Variants in RNF157 observed in about 807,000 individuals in gnomAD.
RNF157 encodes the protein ring finger protein 157.
RNF157 carries 55 observed loss-of-function variants against 88.3 expected under a neutral mutation model. The ratio of observed to expected loss-of-function variants is 0.62; its 90% CI spans 0.50 to 0.78. The LOEUF (loss-of-function observed/expected upper bound fraction) is 0.78, where lower values mean the gene tolerates loss of function less well. Among genes scored for constraint, RNF157 ranks in the 30% least tolerant of loss-of-function variants. The pLI is 0.00. For synonymous variants in RNF157, 334 were observed against 341.2 expected (o/e 0.98, Z 0.23); for missense variants, 788 against 860.8 (o/e 0.92, Z 1.06).
chr17:76,230,562 G>A (rs552998535), intron 1 of RNF157, among the ~76,000 whole-genome samples: 7 of 152,088 alleles, frequency 4.6e-5, no homozygotes, highest in Non-Finnish European at 8.8e-5. Context: ...ATACTGAGCC[G>A]GGCATGGTGG....
chr17:76,164,956 T>C (rs767872077), intron 7 of RNF157, among the ~76,000 whole-genome samples, 161 bp from the exon 8 acceptor site: 16 of 152,354 alleles, frequency 1.1e-4, no homozygotes, highest in Non-Finnish European at 1.8e-4. Flanking sequence ...AAATATTACA[T>C]ACAATATTTT....
chr17:76,216,651 C>T (rs2145037969), intron 1 of RNF157, among the ~76,000 whole-genome samples: 1 of 152,074 alleles, frequency 6.6e-6, no homozygotes, highest in Admixed American at 6.5e-5. Flanking sequence ...TGAAGCCTTT[C>T]AAAGTGGTGT....
chr17:76,145,561 C>T, intron 18 of RNF157: 1 of 518,552 alleles, frequency 1.9e-6, no homozygotes, highest in Admixed American at 3.7e-5. Context: ...GCCCCCTGGG[C>T]TAGGTACAGT....
intron 1 of RNF157, among the ~76,000 whole-genome samples, chr17:76,238,388 T>G (rs1051546145): frequency 3.3e-5 from 5 of 150,810 alleles, no homozygotes; most frequent in African/African-American, 1.2e-4. Flanking sequence ...TGATTTAACA[T>G]GAATTACAGT....
intron 16 of RNF157, among the ~76,000 whole-genome samples, 189 bp downstream of exon 16, chr17:76,155,063 C>G (rs1490952603): frequency 1.3e-5 from 2 of 152,242 alleles, no homozygotes; most frequent in African/African-American, 4.8e-5. Context: ...ACTCACTGGA[C>G]AGTCCACAGG....
intron 14 of RNF157, among the ~76,000 whole-genome samples, 198 bp downstream of exon 14, chr17:76,156,012 A>G (rs1179251127): frequency 1.3e-5 from 2 of 152,232 alleles, no homozygotes; most frequent in Non-Finnish European, 2.9e-5. Context: ...TGAGAGAATT[A>G]ACACCCCACT....
chr17:76,159,911 T>C (rs1202057708), intron 11 of RNF157, among the ~76,000 whole-genome samples: 4 of 152,206 alleles, frequency 2.6e-5, no homozygotes, highest in Non-Finnish European at 4.4e-5. Context: ...TTCCCATTTT[T>C]TTTCTGTGTA....
Position 76,146,818 on chromosome 17 carries a change from GCCGA to G in RNF157, c.1922-1469_1922-1466del, listed in dbSNP as rs1326486355. The G allele has an allele frequency of 3.1e-5, 31 of 985,354 alleles. No individual in the cohort carries two copies. Among genetic ancestry groups the G allele is most frequent in the Middle Eastern group, 1.0e-3 (2 of 1,936 alleles). 61.0% of individuals were successfully genotyped at this position (985,354 alleles called of 1,614,324 possible). Reference sequence around the variant, plus strand: ...TAGGAGGACCTGTTCAGCGGACAAGGCCGACCAACTGTAGAGTGTGGCCGTGAGG... The same window carrying G: ...TAGGAGGACCTGTTCAGCGGACAAGGCCAACTGTAGAGTGTGGCCGTGAGG... On this transcript the variant is annotated intron_variant, in intron 18 of 18. Transcript: ENST00000269391. The surrounding 1 kb of genome is among the most constrained non-coding windows in gnomAD (Gnocchi z 4.2).
At chr17:76,187,782 G>A (rs939157800) in intron 2 of RNF157, among the ~76,000 whole-genome samples, 3 of 151,950 alleles carry the variant, frequency 2.0e-5, no homozygotes, top group Non-Finnish European at 4.4e-5. Context: ...ATTTTTAGTA[G>A]AGATAGGGTT....
At chr17:76,158,365 C>G in intron 13 of RNF157, 28 bp downstream of exon 13, 1 of 1,499,064 alleles carries the variant, frequency 6.7e-7, no homozygotes, top group South Asian at 1.1e-5. Flanking sequence ...AGTACAACAC[C>G]CAAGAAGAGG....
Position 76,161,578 on chromosome 17 carries a change from T to C in RNF157, c.1022A>G (p.Asn341Ser). ...KLGPLSPTSFNPIISSQTSDS... is the reference protein window; with the variant it reads ...KLGPLSPTSFSPIISSQTSDS... ...AGATGTCTGGGATGAGATGATGGGG[T>C]TAAAGCTGGTTGGGGACAAGGGGCC... The change falls in exon 11 of 19, where the codon AAC becomes AGC. Residue 341 changes from asparagine to serine, a missense_variant. Asn to Ser is a conservative substitution (Grantham distance 46). Coordinates refer to ENST00000269391, the MANE Select transcript of RNF157 (RefSeq NM_052916.3). This position sits in a 1 kb window ranked among gnomAD's most constrained non-coding sequence, Gnocchi z 4.6. 1 of 1,613,930 alleles carries C rather than the reference T, an allele frequency of 6.2e-7. No individual in the cohort carries two copies. Among genetic ancestry groups the C allele is most frequent in the Non-Finnish European group, 8.5e-7 (1 of 1,179,970 alleles).
intron 14 of RNF157, 112 bp from the exon 15 acceptor site, chr17:76,155,846 C>G (rs984841704): frequency 1.1e-6 from 1 of 939,756 alleles, no homozygotes; most frequent in Non-Finnish European, 1.6e-6. Context: ...GTGAAGTGGC[C>G]GTATCTTGCC....
At chr17:76,191,796 T>C (rs12945842) in intron 2 of RNF157, among the ~76,000 whole-genome samples, 1,569 of 152,178 alleles carry the variant, frequency 0.01, 9 homozygotes, top group Non-Finnish European at 0.015. Flanking sequence ...AATGTAAAGA[T>C]AAAGTATATG....
intron 1 of RNF157, among the ~76,000 whole-genome samples, chr17:76,216,509 G>A (rs1454015128): frequency 1.3e-5 from 2 of 152,182 alleles, no homozygotes; most frequent in African/African-American, 4.8e-5. Flanking sequence ...CACTTTGGGA[G>A]GCCAAGGTGA....
chr17:76,226,975 G>A (rs890700654), intron 1 of RNF157, among the ~76,000 whole-genome samples: 6 of 152,340 alleles, frequency 3.9e-5, no homozygotes, highest in East Asian at 1.9e-4. Flanking sequence ...CAATGCTGCC[G>A]CAGGCACTGC....
chr17:76,182,798 A>G (rs1272979824), intron 2 of RNF157, among the ~76,000 whole-genome samples: 1 of 127,598 alleles, frequency 7.8e-6, no homozygotes, highest in Admixed American at 7.6e-5. Flanking sequence ...TGAGAGATAT[A>G]TATATGAGAG....
Position 76,143,045 on chromosome 17 carries a change from G to A in RNF157, c.*2190C>T, listed in dbSNP as rs563130680. On this transcript the variant is annotated 3_prime_UTR_variant, in exon 19 of 19. Coordinates refer to ENST00000269391, the MANE Select transcript of RNF157 (RefSeq NM_052916.3). ...CTGACCTGTCCTCATCAGGCTGACT[G>A]AGGACCAGCTCCTTGGATGGAGTAT... 2.6e-5 allele frequency: 4 copies of A among 152,402 alleles called. No homozygotes were observed. The South Asian group carries it at 8.3e-4, about 32-fold the overall frequency. The allele number at this position is 152,402 out of a possible 1,614,324, so 9.4% of individuals were successfully genotyped here.
At chr17:76,218,994 TAAAG>T (rs1417947172) in intron 1 of RNF157, among the ~76,000 whole-genome samples, 1 of 150,594 alleles carries the variant, frequency 6.6e-6, no homozygotes, top group Admixed American at 6.6e-5. Context: ...TCTCAAAAAA[TAAAG>T]AAGGGGGATG....
chr17:76,226,808 T>C, intron 1 of RNF157: 1 of 1,536,742 alleles, frequency 6.5e-7, no homozygotes, highest in Non-Finnish European at 8.8e-7. Flanking sequence ...TTCGGTCATG[T>C]TGCGGTGCTT....
Sources: allele counts gnomAD v4.1 joint callset (sites outside exome capture counted in the v4.1 genomes callset), GRCh38; gene constraint gnomAD v4.1.1; non-coding constraint Gnocchi (gnomAD v3.1); transcripts MANE v1.5; gene names NCBI Gene and HGNC (gene_info 2026-07-23, HGNC 2026-07-21).